CRYZ: variants seen among roughly 807,000 people sequenced by gnomAD.
CRYZ encodes the protein zeta-crystallin.
CRYZ carries 35 observed loss-of-function variants against 34.1 expected under a neutral mutation model. The observed-to-expected ratio is 1.03, with a 90% CI of 0.78 to 1.36. The LOEUF (loss-of-function observed/expected upper bound fraction) is 1.36, where lower values mean the gene tolerates loss of function less well. Ranked by LOEUF, CRYZ falls within the 40% of genes most tolerant of loss-of-function variation. The pLI is 0.00. For synonymous variants in CRYZ, 137 were observed against 136.5 expected, an observed-to-expected ratio of 1.00 and a Z score of -0.03; for missense variants, 403 against 391.8, an observed-to-expected ratio of 1.03 and a Z score of -0.24.
chr1:74,732,930 T>C (rs1647928124), intron 1 of CRYZ, 26 bp downstream of exon 1: 1 of 354,758 alleles, frequency 2.8e-6, no homozygotes, highest in Admixed American at 4.5e-5. Flanking sequence ...TCTAAACAAC[T>C]AAGGAGAGTT....
chr1:74,716,304 TTGAC>T (rs1006239786), intron 4 of CRYZ, among the ~76,000 whole-genome samples: 17 of 152,090 alleles, frequency 1.1e-4, no homozygotes, highest in African/African-American at 3.9e-4. Flanking sequence ...AGATAGATGA[TTGAC>T]TGATAGATAG....
At chr1:74,728,352 A>T (rs1268277691) in intron 1 of CRYZ, among the ~76,000 whole-genome samples, 1 of 152,264 alleles carries the variant, frequency 6.6e-6, no homozygotes, top group Non-Finnish European at 1.5e-5. Flanking sequence ...AGCAAAGAAC[A>T]TTTGTACAGA....
chr1:74,725,387 T>C lies in CRYZ; in HGVS notation c.-13-553A>G, dbSNP rs544585119. On this transcript the variant is annotated intron_variant, in intron 1 of 8. Transcript: ENST00000340866. ...GCAAAGGAGAAGCAATGGCATGTCT[T>C]ACATGGTGGCAAACAAGAGAGCTTG... 2.0e-4 allele frequency among the ~76,000 whole-genome samples: 30 copies of C among 152,300 alleles called. No homozygotes were observed. In the South Asian group the frequency reaches 5.6e-3, roughly 28 times the overall value.
chr1:74,730,268 G>T (rs1032018567), intron 1 of CRYZ: 3 of 152,122 alleles, frequency 2.0e-5, no homozygotes, highest in Non-Finnish European at 4.4e-5. Context: ...AAGTGATGGG[G>T]CATGGCCTGA....
intron 3 of CRYZ, 105 bp from the exon 4 acceptor site, chr1:74,719,477 C>T (rs1647125828): frequency 1.9e-6 from 2 of 1,035,130 alleles, no homozygotes; most frequent in African/African-American, 1.6e-5. Context: ...ATATATTGTC[C>T]TCTATAGGGT....
At chr1:74,725,883 A>G (rs1647310955) in intron 1 of CRYZ, among the ~76,000 whole-genome samples, 1 of 152,216 alleles carries the variant, frequency 6.6e-6, no homozygotes, top group Non-Finnish European at 1.5e-5. Context: ...GTCCCATGCA[A>G]GTCCAAAATC....
intron 2 of CRYZ, 23 bp from the exon 3 acceptor site, chr1:74,723,293 T>A: frequency 6.2e-7 from 1 of 1,603,168 alleles, no homozygotes; most frequent in Non-Finnish European, 8.5e-7. Context: ...TGTATTTTAG[T>A]TCACAGAAAG....
chr1:74,724,082 A>G (rs975858573), intron 2 of CRYZ, among the ~76,000 whole-genome samples: 4 of 152,178 alleles, frequency 2.6e-5, no homozygotes, highest in African/African-American at 9.7e-5. Context: ...AAATGAAAGG[A>G]AGTATTAAGG....
intron 1 of CRYZ, among the ~76,000 whole-genome samples, chr1:74,730,157 T>C (rs1038354479): frequency 6.6e-6 from 1 of 152,140 alleles, no homozygotes; most frequent in Non-Finnish European, 1.5e-5. Context: ...ATTGGCTAAG[T>C]TGGGAGAAAG....
chr1:74,710,275 A>G, intron 5 of CRYZ, 28 bp from the exon 6 acceptor site: 1 of 1,611,182 alleles, frequency 6.2e-7, no homozygotes, highest in Non-Finnish European at 8.5e-7. Flanking sequence ...CCCAAGAGTT[A>G]TATATTCTCT....
chr1:74,727,015 C>CT (rs527967241), intron 1 of CRYZ, among the ~76,000 whole-genome samples: 16 of 152,110 alleles, frequency 1.1e-4, no homozygotes, highest in Middle Eastern at 6.8e-3. Flanking sequence ...TCAGCCTGGA[C>CT]TTTATTGTCC....
At chr1:74,724,380 CA>C (rs1557732191) in intron 2 of CRYZ, among the ~76,000 whole-genome samples, 1 of 152,052 alleles carries the variant, frequency 6.6e-6, no homozygotes, top group Non-Finnish European at 1.5e-5. Context: ...TCCCAGCATG[CA>C]AAAAATAAAA....
chr1:74,714,829 A>G (rs1647050395), intron 4 of CRYZ, among the ~76,000 whole-genome samples, 199 bp from the exon 5 acceptor site: 1 of 152,150 alleles, frequency 6.6e-6, no homozygotes, highest in African/African-American at 2.4e-5. Flanking sequence ...TTCCTTGAAC[A>G]AATATTTATT....
chr1:74,728,805 T>G (rs1249053500), intron 1 of CRYZ, among the ~76,000 whole-genome samples: 1 of 152,222 alleles, frequency 6.6e-6, no homozygotes. Context: ...GAAAGTGACA[T>G]TTCCAAAGGT....
chr1:74,714,475 T>C, intron 5 of CRYZ, 104 bp downstream of exon 5: 1 of 1,113,710 alleles, frequency 9.0e-7, no homozygotes, highest in Non-Finnish European at 1.3e-6. Context: ...AAAAGCACCT[T>C]TGACTCTATT....
chr1:74,724,695 G>GT lies in CRYZ; in HGVS notation c.111+15dup. 1 of 1,504,368 alleles carries GT rather than the reference G, an allele frequency of 6.6e-7. No individual in the cohort carries two copies. The highest frequency in any genetic ancestry group is 1.1e-5 in the South Asian group (1 of 87,244). The allele number at this position is 1,504,368 out of a possible 1,614,324, so 93.2% of individuals were successfully genotyped here. ...TCAGTATAATTATAGCCTCAATAAA[G>GT]TAATTTTATTTCTACCTGATGGTCT... On this transcript the variant is annotated intron_variant, in intron 2 of 8. Transcript: ENST00000340866.
At chr1:74,713,795 G>C (rs1345096992) in intron 5 of CRYZ, among the ~76,000 whole-genome samples, 1 of 152,080 alleles carries the variant, frequency 6.6e-6, no homozygotes, top group African/African-American at 2.4e-5. Context: ...CTAGCCCCAG[G>C]CCTTTTATTT....
At chr1:74,710,331 T>C in intron 5 of CRYZ, 84 bp from the exon 6 acceptor site, 2 of 1,317,952 alleles carry the variant, frequency 1.5e-6, no homozygotes, top group Non-Finnish European at 2.1e-6. Context: ...TTAAGATTCC[T>C]ATAGGACCCA....
intron 1 of CRYZ, among the ~76,000 whole-genome samples, chr1:74,725,291 T>A (rs1047078016): frequency 6.6e-6 from 1 of 152,142 alleles, no homozygotes; most frequent in Admixed American, 6.5e-5. Context: ...ACTGGATAAT[T>A]TATAAAGGAA....
Sources: gnomAD v4.1 joint callset for allele counts (sites outside exome capture counted in the v4.1 genomes callset) on GRCh38, gnomAD v4.1.1 for gene constraint, MANE v1.5 for transcripts, NCBI Gene and HGNC (gene_info 2026-07-23, HGNC 2026-07-21) for gene names.